TEAD1: variants seen among roughly 807,000 people sequenced by gnomAD.
TEAD1 encodes the protein TEA domain transcription factor 1.
Under a neutral mutation model 54.9 loss-of-function variants are expected in TEAD1, and 9 were observed. The observed-to-expected ratio is 0.16, with a 90% CI of 0.10 to 0.29. TEAD1 has a LOEUF of 0.29. Ranked by LOEUF, TEAD1 falls within the 10% of genes least tolerant of loss-of-function variation. The pLI, the probability that TEAD1 is intolerant of heterozygous loss-of-function variation, is 1.00. For missense variants in TEAD1, 387 were observed against 535.9 expected, an observed-to-expected ratio of 0.72 and a Z score of 2.74; for synonymous variants, 200 against 187.8, an observed-to-expected ratio of 1.07 and a Z score of -0.53.
intron 2 of TEAD1, among the ~76,000 whole-genome samples, chr11:12,711,861 C>T (rs1010194275): frequency 2.6e-5 from 4 of 152,206 alleles, no homozygotes; most frequent in Non-Finnish European, 4.4e-5. Flanking sequence ...TACAAAGTCA[C>T]TGTCCTGATT....
At chr11:12,709,208 T>C (rs1454726391) in intron 2 of TEAD1, among the ~76,000 whole-genome samples, 1 of 152,054 alleles carries the variant, frequency 6.6e-6, no homozygotes, top group African/African-American at 2.4e-5. Context: ...CTTGATGGTG[T>C]GCACCTGTGG....
At chr11:12,820,725 C>T (rs895235054) in intron 3 of TEAD1, among the ~76,000 whole-genome samples, 8 of 152,124 alleles carry the variant, frequency 5.3e-5, no homozygotes, top group Non-Finnish European at 1.0e-4. Flanking sequence ...AAAGAAAAAC[C>T]CTTGGCCTGT....
chr11:12,921,592 T>G (rs1948808804), intron 10 of TEAD1, among the ~76,000 whole-genome samples: 1 of 149,730 alleles, frequency 6.7e-6, no homozygotes, highest in Non-Finnish European at 1.5e-5. Flanking sequence ...ATCATAATAA[T>G]AACAGCATTA....
chr11:12,818,549 A>G (rs540512467), intron 3 of TEAD1, among the ~76,000 whole-genome samples: 11 of 152,292 alleles, frequency 7.2e-5, no homozygotes, highest in African/African-American at 2.6e-4. Flanking sequence ...AAGGTCATTA[A>G]GTCAGAGAGG....
At chr11:12,692,027 T>C (rs1278754570) in intron 2 of TEAD1, among the ~76,000 whole-genome samples, 1 of 152,244 alleles carries the variant, frequency 6.6e-6, no homozygotes, top group Non-Finnish European at 1.5e-5. Context: ...GATTTATGCA[T>C]TGGATCCCTA....
rs1050410901 is a variant in TEAD1 at position 12,942,022 on chromosome 11, A to G, written c.*4800A>G. 6 of 152,610 alleles carry G rather than the reference A, an allele frequency of 3.9e-5. No homozygotes were observed. Among genetic ancestry groups the G allele is most frequent in the South Asian group, 2.1e-4 (1 of 4,824 alleles). The allele number at this position is 152,610 out of a possible 1,614,324, so 9.5% of individuals were successfully genotyped here. ...GTAAGCCCATTTTTTCTCCAGTTCT[A>G]TAGGAAACTGACTGCTTGGTGTAAA... On this transcript the variant is annotated 3_prime_UTR_variant, in exon 13 of 13. Transcript: ENST00000527636.
In TEAD1 at chr11:12,942,252, A is replaced by T. The variant is rs1949168127; in HGVS notation, c.*5030A>T. Reference sequence around the variant, plus strand: ...TTTGGTTTGAGATTCCAGCTTAGAAAAGTGCTGCCATAATAACGATAATTT... The same window carrying T: ...TTTGGTTTGAGATTCCAGCTTAGAATAGTGCTGCCATAATAACGATAATTT... On this transcript the variant is annotated 3_prime_UTR_variant, in exon 13 of 13. Transcript: ENST00000527636. The T allele has an allele frequency of 6.6e-6, 1 of 152,604 alleles. No individual in the cohort carries two copies. Among genetic ancestry groups the T allele is most frequent in the Non-Finnish European group, 1.5e-5 (1 of 68,032 alleles). 9.5% of individuals were successfully genotyped at this position (152,604 alleles called of 1,614,324 possible).
At chr11:12,843,562 C>T (rs1947083172) in intron 3 of TEAD1, among the ~76,000 whole-genome samples, 1 of 152,168 alleles carries the variant, frequency 6.6e-6, no homozygotes, top group Non-Finnish European at 1.5e-5. Context: ...AATGCTGCTG[C>T]TTTTGTTGTG....
chr11:12,751,392 GGTGA>G (rs1944867118), intron 2 of TEAD1, among the ~76,000 whole-genome samples: 1 of 152,154 alleles, frequency 6.6e-6, no homozygotes, highest in Non-Finnish European at 1.5e-5. Flanking sequence ...ATTCCTATGC[GGTGA>G]GTGAGTTCAG....
At chr11:12,826,009 A>T (rs1468260403) in intron 3 of TEAD1, among the ~76,000 whole-genome samples, 1 of 152,248 alleles carries the variant, frequency 6.6e-6, no homozygotes, top group African/African-American at 2.4e-5. Context: ...CACACGGTAC[A>T]TAGAATTTAA....
At chr11:12,693,836 T>C (rs1943518285) in intron 2 of TEAD1, among the ~76,000 whole-genome samples, 1 of 152,220 alleles carries the variant, frequency 6.6e-6, no homozygotes, top group African/African-American at 2.4e-5. Flanking sequence ...CTGAAACCAC[T>C]ACAAGCCTCA....
chr11:12,676,420 C>G (rs1943090965), intron 2 of TEAD1, among the ~76,000 whole-genome samples: 1 of 152,208 alleles, frequency 6.6e-6, no homozygotes, highest in African/African-American at 2.4e-5. Context: ...TGCTGGTCTT[C>G]TACGGATAGG....
At chr11:12,805,886 T>C (rs560790484) in intron 3 of TEAD1, among the ~76,000 whole-genome samples, 48 of 152,332 alleles carry the variant, frequency 3.2e-4, no homozygotes, top group African/African-American at 1.1e-3. Context: ...TTATGATGTT[T>C]CTTTTATTTT....
chr11:12,687,449 CAG>C (rs1225817810), intron 2 of TEAD1, among the ~76,000 whole-genome samples: 3 of 152,172 alleles, frequency 2.0e-5, no homozygotes, highest in Admixed American at 2.0e-4. Flanking sequence ...AGGTGAAGCT[CAG>C]AGAAGTTTAG....
At chr11:12,903,962 G>A (rs1489586672) in intron 10 of TEAD1, among the ~76,000 whole-genome samples, 2 of 152,180 alleles carry the variant, frequency 1.3e-5, no homozygotes, top group South Asian at 2.1e-4. Flanking sequence ...TTGGATGGTG[G>A]TTGGAGATCA....
intron 2 of TEAD1, among the ~76,000 whole-genome samples, chr11:12,693,121 C>A (rs566963512): frequency 6.6e-6 from 1 of 152,310 alleles, no homozygotes; most frequent in East Asian, 1.9e-4. Flanking sequence ...ATGAATAAAT[C>A]CACAGGGAAC....
At chr11:12,908,886 T>TTTTG (rs66615304) in intron 10 of TEAD1, among the ~76,000 whole-genome samples, 1 of 133,972 alleles carries the variant, frequency 7.5e-6, no homozygotes, top group Admixed American at 7.5e-5. Context: ...ATTATCTGTT[T>TTTTG]TTTTTTTTTT....
chr11:12,781,520 C>T (rs1945541392), intron 3 of TEAD1, among the ~76,000 whole-genome samples: 1 of 151,896 alleles, frequency 6.6e-6, no homozygotes, highest in East Asian at 1.9e-4. Context: ...TCTGACTGGA[C>T]CTTTCCTTAA....
At chr11:12,725,568 A>C (rs1944294889) in intron 2 of TEAD1, among the ~76,000 whole-genome samples, 1 of 152,152 alleles carries the variant, frequency 6.6e-6, no homozygotes, top group Admixed American at 6.5e-5. Context: ...ATGTAACAAA[A>C]TATCACATGC....
Sources: gnomAD v4.1 joint callset for allele counts (sites outside exome capture counted in the v4.1 genomes callset) on GRCh38, gnomAD v4.1.1 for gene constraint, MANE v1.5 for transcripts, NCBI Gene and HGNC (gene_info 2026-07-23, HGNC 2026-07-21) for gene names.